CD5: variants seen among roughly 807,000 people sequenced by gnomAD.
CD5 encodes CD5 molecule.
CD5 carries 36 observed loss-of-function variants against 60.3 expected under a neutral mutation model. The observed-to-expected ratio is 0.60, with a 90% CI of 0.46 to 0.79. The LOEUF (loss-of-function observed/expected upper bound fraction) is 0.79, where lower values mean the gene tolerates loss of function less well. CD5 is among the 30% of genes least tolerant of loss of function. The pLI is 0.00. For synonymous variants in CD5, 230 were observed against 257.6 expected, an observed-to-expected ratio of 0.89 and a Z score of 1.03; for missense variants, 540 against 630.6, an observed-to-expected ratio of 0.86 and a Z score of 1.54.
upstream of CD5, among the ~76,000 whole-genome samples, chr11:61,100,393 A>C (rs1158156963): frequency 2.3e-4 from 34 of 147,748 alleles, no homozygotes; most frequent in African/African-American, 8.3e-4. Context: ...ACACACACAC[A>C]TCAACATGGA....
At chr11:61,125,889 T>C in intron 10 of CD5, 48 bp downstream of exon 10, 2 of 1,339,808 alleles carry the variant, frequency 1.5e-6, no homozygotes, top group Middle Eastern at 2.0e-4. Flanking sequence ...TCCCCCACAG[T>C]CCTGGGGGTG....
chr11:61,106,617 C>A (rs1298033911), intron 1 of CD5, among the ~76,000 whole-genome samples: 1 of 152,152 alleles, frequency 6.6e-6, no homozygotes, highest in Admixed American at 6.5e-5. Context: ...GACCAGGCGG[C>A]GAATTCAGCT....
chr11:61,115,600 C>T (rs1458452308), intron 2 of CD5, among the ~76,000 whole-genome samples: 1 of 152,204 alleles, frequency 6.6e-6, no homozygotes, highest in Non-Finnish European at 1.5e-5. Flanking sequence ...CCGCATCTCC[C>T]ACTGAAGACT....
At chr11:61,117,361 C>A (rs1860980859) in intron 2 of CD5, among the ~76,000 whole-genome samples, 2 of 152,176 alleles carry the variant, frequency 1.3e-5, no homozygotes, top group South Asian at 4.1e-4. Flanking sequence ...CCTTAGGGAA[C>A]TTTCTAGATG....
intron 1 of CD5, among the ~76,000 whole-genome samples, chr11:61,109,939 C>T (rs990368411): frequency 1.3e-5 from 2 of 151,820 alleles, no homozygotes; most frequent in Admixed American, 6.6e-5. Context: ...TTCCAGGCCT[C>T]GGGGGCCTCC....
At chr11:61,099,225 G>GATCACACACATCAACATGGAA (rs1860622846), upstream of CD5, among the ~76,000 whole-genome samples, 1 of 151,566 alleles carries the variant, frequency 6.6e-6, no homozygotes, top group Non-Finnish European at 1.5e-5. Context: ...TCAACACGGA[G>GATCACACACATCAACATGGAA]ATCACACACA....
the CD5 span, among the ~76,000 whole-genome samples, chr11:61,095,007 G>A: frequency 6.6e-6 from 1 of 152,168 alleles, no homozygotes; most frequent in Non-Finnish European, 1.5e-5. Flanking sequence ...AGGACAGGCA[G>A]CAGCAGTACT....
rs1294861876 is a variant in CD5 at position 61,118,990 on chromosome 11, T to G, written c.463+13T>G. 1 of 1,606,822 alleles carries G rather than the reference T, an allele frequency of 6.2e-7. No individual in the cohort carries two copies. Among genetic ancestry groups the G allele is most frequent in the African/African-American group, 1.3e-5 (1 of 74,636 alleles). On this transcript the variant is annotated intron_variant, in intron 4 of 10. Coordinates refer to ENST00000347785, the MANE Select transcript of CD5 (RefSeq NM_014207.4). The surrounding 1 kb of genome is among the most constrained non-coding windows in gnomAD (Gnocchi z 4.7). ...CCAGAGCCCACAGGTAAGAGGATTC[T>G]GAACCCCCCACAGGGAGTCAGAGCT...
In CD5 at chr11:61,118,054, A is replaced by G; in HGVS notation, c.95-121A>G. 9.6e-7 allele frequency: 1 copy of G among 1,038,606 alleles called. No homozygotes were observed. The highest frequency in any genetic ancestry group is 1.4e-6 in the Non-Finnish European group (1 of 706,150). The allele number at this position is 1,038,606 out of a possible 1,614,324, so 64.3% of individuals were successfully genotyped here. On this transcript the variant is annotated intron_variant, in intron 2 of 10. Coordinates refer to ENST00000347785, the MANE Select transcript of CD5 (RefSeq NM_014207.4). This position sits in a 1 kb window ranked among gnomAD's most constrained non-coding sequence, Gnocchi z 4.7. ...AGAAGGGACGAAGCTCACAAGGGGC[A>G]AGGCAGGCAGCCCACGGGGCAGGAG...
chr11:61,122,952 G>C lies in CD5; in HGVS notation c.1145G>C (p.Ser382Thr). The C allele has an allele frequency of 6.2e-7, 1 of 1,614,126 alleles. No homozygotes were observed. The highest frequency in any genetic ancestry group is 1.1e-5 in the South Asian group (1 of 91,082). The change falls in exon 7 of 11, where the codon AGC becomes ACC. Residue 382 changes from serine to threonine, a missense_variant. Ser to Thr is a moderately conservative substitution (Grantham distance 58). Transcript: ENST00000347785. ...PAGLAAGTVA[S>T]IILALVLLVV... ...GGCCTGGCCGCAGGCACGGTGGCAA[G>C]CATCATCCTGGCCCTGGTGCTCCTG...
chr11:61,101,672 C>T (rs144412238), upstream of CD5, among the ~76,000 whole-genome samples: 655 of 150,792 alleles, frequency 4.3e-3, 4 homozygotes, highest in African/African-American at 0.016. Context: ...ACACACACAT[C>T]AACATGGCGA....
At chr11:61,125,652 C>T in intron 9 of CD5, 99 bp from the exon 10 acceptor site, 1 of 710,896 alleles carries the variant, frequency 1.4e-6, no homozygotes, top group Non-Finnish European at 2.3e-6. Flanking sequence ...CTCATAAAGC[C>T]CCTGTGATCT....
upstream of CD5, among the ~76,000 whole-genome samples, chr11:61,102,073 G>A (rs1860701352): frequency 6.6e-6 from 1 of 152,230 alleles, no homozygotes; most frequent in African/African-American, 2.4e-5. Flanking sequence ...TGGAGGGTTT[G>A]GTTTTGGCTT....
At chr11:61,123,811 A>ACCCCCC in intron 7 of CD5, 73 bp from the exon 8 acceptor site, 1 of 262,112 alleles carries the variant, frequency 3.8e-6, no homozygotes, top group South Asian at 3.5e-5. Context: ...GCCCAGCCCC[A>ACCCCCC]TCCCCACCCC....
At chr11:61,100,754 CACACACATCAACATGGAGATCACAA>C (rs1860663240), upstream of CD5, among the ~76,000 whole-genome samples, 2 of 142,328 alleles carry the variant, frequency 1.4e-5, no homozygotes, top group African/African-American at 2.6e-5. Context: ...AGATCACATT[CACACACATCAACATGGAGATCACAA>C]ACACACATCA....
chr11:61,108,722 G>A (rs1860808982), intron 1 of CD5, among the ~76,000 whole-genome samples: 1 of 152,206 alleles, frequency 6.6e-6, no homozygotes, highest in Non-Finnish European at 1.5e-5. Context: ...TCTGTGGACT[G>A]TTAGAAGGAA....
the CD5 span, among the ~76,000 whole-genome samples, chr11:61,097,097 T>C: frequency 2.0e-5 from 3 of 152,158 alleles, no homozygotes; most frequent in African/African-American, 7.2e-5. Flanking sequence ...CTTTCTAAGA[T>C]GAACTCAATG....
intron 1 of CD5, among the ~76,000 whole-genome samples, chr11:61,103,279 C>T (rs1469084821): frequency 6.6e-6 from 1 of 152,190 alleles, no homozygotes. Flanking sequence ...CGGATAGGTC[C>T]CCAAGCCTCT....
chr11:61,122,638 G>T (rs1451813568), intron 6 of CD5, among the ~76,000 whole-genome samples: 1 of 152,126 alleles, frequency 6.6e-6, no homozygotes, highest in Non-Finnish European at 1.5e-5. Context: ...ACTGGCAAAT[G>T]GTAGAAAATT....
Sources: allele counts gnomAD v4.1 joint callset (sites outside exome capture counted in the v4.1 genomes callset), GRCh38; gene constraint gnomAD v4.1.1; non-coding constraint Gnocchi (gnomAD v3.1); transcripts MANE v1.5; gene names NCBI Gene and HGNC (gene_info 2026-07-23, HGNC 2026-07-21).